MSR1: variants seen among roughly 807,000 people sequenced by gnomAD.
MSR1 encodes macrophage scavenger receptor types I and II.
MSR1 carries 53 observed loss-of-function variants against 47.2 expected under a neutral mutation model. The observed-to-expected ratio is 1.12, with a 90% confidence interval of 0.90 to 1.41. The LOEUF (loss-of-function observed/expected upper bound fraction) is 1.41. Ranked by LOEUF, MSR1 falls within the 40% of genes most tolerant of loss-of-function variation. The pLI is 0.00. For missense variants in MSR1, 786 were observed against 546.9 expected, an observed-to-expected ratio of 1.44 and a Z score of -4.36; for synonymous variants, 239 against 185.6, an observed-to-expected ratio of 1.29 and a Z score of -2.34.
intron 9 of MSR1, among the ~76,000 whole-genome samples, chr8:16,118,615 G>A (rs893502238): frequency 2.0e-5 from 3 of 151,978 alleles, no homozygotes; most frequent in Non-Finnish European, 4.4e-5. Context: ...GGAGGCAGAG[G>A]TTGCAGTAAG....
chr8:16,124,583 G>C (rs1482685429), intron 8 of MSR1, among the ~76,000 whole-genome samples: 1 of 151,926 alleles, frequency 6.6e-6, no homozygotes, highest in African/African-American at 2.4e-5. Flanking sequence ...TGGGGCTTTG[G>C]TTCCTGTCTG....
intron 3 of MSR1, 40 bp downstream of exon 3, chr8:16,175,147 G>T: frequency 2.0e-6 from 3 of 1,517,240 alleles, no homozygotes; most frequent in South Asian, 1.1e-5. Flanking sequence ...AATAATTCAC[G>T]GGACGAGTTA....
chr8:16,171,904 T>C (rs1801498557), intron 3 of MSR1, among the ~76,000 whole-genome samples: 1 of 152,210 alleles, frequency 6.6e-6, no homozygotes, highest in Non-Finnish European at 1.5e-5. Flanking sequence ...GGGGTACTAA[T>C]AGTCAGTGTC....
At chr8:16,147,268 G>C (rs963802044) in intron 7 of MSR1, among the ~76,000 whole-genome samples, 7 of 152,016 alleles carry the variant, frequency 4.6e-5, no homozygotes, top group African/African-American at 1.7e-4. Context: ...CTCTTCTCAT[G>C]TTTGTGTATC....
At position 16,181,278 on chromosome 8, in the gene MSR1, T is replaced by G. The variant is rs950234314; in HGVS notation, c.-4-3286A>C. On this transcript the variant is annotated intron_variant, in intron 1 of 9. Coordinates refer to ENST00000262101, the MANE Select transcript of MSR1 (RefSeq NM_138715.3). ...TCCTTGAGGAACTGCCACACTGTCT[T>G]CCACAATGGTTGAACTAATTTACAC... Among the ~76,000 whole-genome samples the G allele has an allele frequency of 4.6e-5, 7 of 152,292 alleles. No individual in the cohort carries two copies. In the East Asian group the frequency reaches 1.2e-3, roughly 25 times the overall value.
rs565688170 is a variant in MSR1, at chr8:16,163,111, A to T, written c.817+954T>A. Reference sequence around the variant, plus strand: ...AAGGTCAACAATCAATAAGAAATAGAAATATACTACAAAGTTTCTGAAACC... The same window carrying T: ...AAGGTCAACAATCAATAAGAAATAGTAATATACTACAAAGTTTCTGAAACC... On this transcript the variant is annotated intron_variant, in intron 5 of 9. Transcript: ENST00000262101. Among the ~76,000 whole-genome samples the T allele has an allele frequency of 1.2e-4, 18 of 152,140 alleles. No homozygotes were observed. The South Asian group carries it at 3.7e-3, about 32-fold the overall frequency.
In MSR1 at chr8:16,120,916, TG is replaced by T. The variant is rs1254841783; in HGVS notation, c.1034-311del. 9.6e-5 allele frequency: 37 copies of T among 387,206 alleles called. No homozygotes were observed. The Middle Eastern group carries it at 3.9e-3, about 41-fold the overall frequency. 24.0% of individuals were successfully genotyped at this position (387,206 alleles called of 1,614,324 possible). A position where few individuals can be genotyped will look rare whatever the true frequency, so the allele number is the denominator to read the frequency against. The stretch of plus-strand genomic sequence containing the variant: ...TGAATTTTGACAGATACAAGTTTAT[TG>T]TCACTTAGATTTTTTCATACCATTG... On this transcript the variant is annotated intron_variant, in intron 8 of 9. Transcript: ENST00000262101.
At chr8:16,131,638 C>T (rs369790997) in intron 8 of MSR1, among the ~76,000 whole-genome samples, 3 of 151,762 alleles carry the variant, frequency 2.0e-5, no homozygotes, top group African/African-American at 7.2e-5. Context: ...GTCTTTAATC[C>T]ATCTTGAGTT....
chr8:16,145,501 C>T (rs907071890), intron 7 of MSR1, among the ~76,000 whole-genome samples: 2 of 152,042 alleles, frequency 1.3e-5, no homozygotes, highest in Non-Finnish European at 2.9e-5. Context: ...ATGCATTGTT[C>T]TTAGAAGTCT....
In MSR1 at chr8:16,120,470, G is replaced by C; in HGVS notation, c.1170C>G (p.Ser390Arg). The change falls in exon 9 of 10, where the codon AGC (serine) becomes AGG (arginine). Residue 390 changes from serine (S) to arginine (R), a missense_variant. By Grantham distance (110) the Ser-to-Arg change is moderately radical. Coordinates refer to ENST00000262101, the MANE Select transcript of MSR1 (RefSeq NM_138715.3). ...CGGCTTGAACACCTGGGTATCCCAAGCTCCTACAGACGACCTGTCCAACGC... is the reference window on the plus strand; with the variant it reads ...CGGCTTGAACACCTGGGTATCCCAACCTCCTACAGACGACCTGTCCAACGC... ...EVRVGQVVCR[S>R]LGYPGVQAVH... The C allele has an allele frequency of 6.2e-7, 1 of 1,613,906 alleles. No homozygotes were observed. The highest frequency in any genetic ancestry group is 8.5e-7 in the Non-Finnish European group (1 of 1,179,942).
chr8:16,120,729 T>A, intron 8 of MSR1, 123 bp from the exon 9 acceptor site: 1 of 1,170,278 alleles, frequency 8.5e-7, no homozygotes, highest in Non-Finnish European at 1.2e-6. Context: ...TCCAAATAAC[T>A]TCAACTATTG....
At chr8:16,178,132 C>G (rs957995992) in intron 1 of MSR1, 140 bp from the exon 2 acceptor site, 2 of 647,420 alleles carry the variant, frequency 3.1e-6, no homozygotes, top group Admixed American at 2.6e-5. Context: ...ACTTTAAGCT[C>G]TAGGGTACAT....
intron 8 of MSR1, among the ~76,000 whole-genome samples, chr8:16,125,250 G>C (rs373895920): frequency 7.9e-5 from 12 of 152,206 alleles, no homozygotes; most frequent in African/African-American, 2.6e-4. Context: ...TTAAAAACTG[G>C]AATATTTGAA....
At chr8:16,183,409 T>C (rs902547675) in intron 1 of MSR1, among the ~76,000 whole-genome samples, 2 of 151,302 alleles carry the variant, frequency 1.3e-5, no homozygotes, top group African/African-American at 4.8e-5. Flanking sequence ...ACCTGGAACA[T>C]TGAATATATT....
At chr8:16,188,963 C>CAT (rs199860327) in intron 1 of MSR1, among the ~76,000 whole-genome samples, 2 of 86,816 alleles carry the variant, frequency 2.3e-5, no homozygotes, top group Non-Finnish European at 4.5e-5. Flanking sequence ...ATTCAACACA[C>CAT]ATACATATAT....
chr8:16,150,340 G>C (rs747319680), intron 6 of MSR1, 29 bp from the exon 7 acceptor site: 8 of 1,369,382 alleles, frequency 5.8e-6, no homozygotes, highest in Non-Finnish European at 6.1e-6. Context: ...AAAAAAGAAG[G>C]TAATAATTCA....
At chr8:16,121,692 C>G (rs12114258) in intron 8 of MSR1, among the ~76,000 whole-genome samples, 8,146 of 151,422 alleles carry the variant, frequency 0.054, 337 homozygotes, top group South Asian at 0.18. Flanking sequence ...TGTAATTCTA[C>G]GTAAACAAAA....
At chr8:16,139,397 T>G in intron 8 of MSR1, 3 of 927,850 alleles carry the variant, frequency 3.2e-6, no homozygotes, top group Non-Finnish European at 3.9e-6. Context: ...AACAACCCTG[T>G]GAGGTAGGTG....
intron 9 of MSR1, among the ~76,000 whole-genome samples, chr8:16,116,582 CTTATT>C (rs1021631274): frequency 6.6e-6 from 1 of 152,082 alleles, no homozygotes; most frequent in Non-Finnish European, 1.5e-5. Context: ...CATTCTATTC[CTTATT>C]TAAGTTTAAA....
Sources: allele counts gnomAD v4.1 joint callset (sites outside exome capture counted in the v4.1 genomes callset), GRCh38; gene constraint gnomAD v4.1.1; transcripts MANE v1.5; gene names NCBI Gene and HGNC (gene_info 2026-07-23, HGNC 2026-07-21).